Variants in NDUFA9 observed in about 807,000 individuals in gnomAD.
NDUFA9 encodes the protein NADH:ubiquinone oxidoreductase subunit A9, also known as NADH dehydrogenase [ubiquinone] 1 alpha subcomplex subunit 9, mitochondrial.
In NDUFA9, 23 loss-of-function variants were observed where a neutral mutation model predicts 45.9. The observed-to-expected ratio is 0.50, with a 90% CI of 0.36 to 0.71. The LOEUF (loss-of-function observed/expected upper bound fraction) is 0.71. Ranked by LOEUF, NDUFA9 falls within the 30% of genes least tolerant of loss-of-function variation. The pLI is 0.00. For synonymous variants in NDUFA9, 176 were observed against 170.5 expected (o/e 1.03, Z -0.25); for missense variants, 466 against 488.2 (o/e 0.95, Z 0.43).
chr12:4,680,697 G>C (rs181029650), intron 8 of NDUFA9, among the ~76,000 whole-genome samples: 5 of 152,212 alleles, frequency 3.3e-5, no homozygotes, highest in Admixed American at 2.6e-4. Flanking sequence ...GAAGAACCCT[G>C]CTAAGGCCTT....
intron 8 of NDUFA9, among the ~76,000 whole-genome samples, chr12:4,678,298 A>C (rs944024090): frequency 6.6e-6 from 1 of 152,112 alleles, no homozygotes; most frequent in Admixed American, 6.6e-5. Flanking sequence ...AAAAAATTTC[A>C]ATTGGTAAAA....
chr12:4,691,117 C>T lies in NDUFA9; in HGVS notation c.*4009C>T, dbSNP rs771269489. 1 of 152,150 alleles carries T rather than the reference C, an allele frequency of 6.6e-6. No individual in the cohort carries two copies. Among genetic ancestry groups the T allele is most frequent in the Non-Finnish European group, 1.5e-5 (1 of 68,034 alleles). The allele number at this position is 152,150 out of a possible 1,614,324, so 9.4% of individuals were successfully genotyped here. ...TTCTTAGTTGTGAGATTGGACAAGTCACTTGACCTCTCTTTGTCAGCCTCA... is the reference window on the plus strand; with the variant it reads ...TTCTTAGTTGTGAGATTGGACAAGTTACTTGACCTCTCTTTGTCAGCCTCA... On this transcript the variant is annotated 3_prime_UTR_variant, in exon 11 of 11. Transcript: ENST00000266544.
intron 8 of NDUFA9, among the ~76,000 whole-genome samples, chr12:4,678,827 G>T (rs1019709259): frequency 1.3e-5 from 2 of 152,104 alleles, no homozygotes; most frequent in African/African-American, 2.4e-5. Context: ...GCTGGTAGGG[G>T]TGTAAAATTG....
At chr12:4,682,416 G>A (rs1591550529) in intron 9 of NDUFA9, 116 bp downstream of exon 9, 6 of 579,900 alleles carry the variant, frequency 1.0e-5, no homozygotes, top group Non-Finnish European at 1.5e-5. Flanking sequence ...AGATCTCCTA[G>A]TGTTATGACA....
intron 8 of NDUFA9, among the ~76,000 whole-genome samples, chr12:4,678,005 A>C (rs1463109139): frequency 1.3e-5 from 2 of 152,220 alleles, no homozygotes; most frequent in African/African-American, 4.8e-5. Context: ...GACATGGATG[A>C]AGCTGGAAAC....
intron 10 of NDUFA9, among the ~76,000 whole-genome samples, chr12:4,686,026 G>A (rs570471290): frequency 2.0e-5 from 3 of 152,332 alleles, no homozygotes; most frequent in East Asian, 1.9e-4. Context: ...TGTGGAAGTG[G>A]GCAACTCACA....
intron 7 of NDUFA9, among the ~76,000 whole-genome samples, chr12:4,669,487 G>A (rs1402756925): frequency 2.0e-5 from 3 of 152,194 alleles, no homozygotes; most frequent in Admixed American, 6.5e-5. Context: ...TGGATTATGC[G>A]TACTTGGAAA....
At chr12:4,658,100 C>T (rs1057379131) in intron 4 of NDUFA9, among the ~76,000 whole-genome samples, 2 of 152,192 alleles carry the variant, frequency 1.3e-5, no homozygotes, top group South Asian at 4.1e-4. Flanking sequence ...TGGTCCTGTA[C>T]TTGGATCAGT....
At position 4,686,926 on chromosome 12, in the gene NDUFA9, G is replaced by T. The variant is rs760005899; in HGVS notation, c.964-12G>T. On this transcript the variant is annotated splice_polypyrimidine_tract_variant and intron_variant, in intron 10 of 10. Transcript: ENST00000266544. ...TTTTCAGCATTGTCTGTGGTCCTTT[G>T]TTTATCCAAAGATGCACATCACAGA... 6.2e-7 allele frequency: 1 copy of T among 1,612,520 alleles called. No homozygotes were observed. The highest frequency in any genetic ancestry group is 8.5e-7 in the Non-Finnish European group (1 of 1,179,118).
intron 1 of NDUFA9, among the ~76,000 whole-genome samples, chr12:4,650,569 T>C (rs997348903): frequency 6.6e-6 from 1 of 152,342 alleles, no homozygotes; most frequent in Non-Finnish European, 1.5e-5. Flanking sequence ...GAGTAAATTC[T>C]GTAGAGGCAA....
rs7136382 is a variant in NDUFA9 at position 4,689,344 on chromosome 12, G to C, written c.*2236G>C. ...TATTGATCATTCTTGGGTGTTTCTCGCAGAGGGGGATTTGGCAGGGTCATA... is the reference window on the plus strand; with the variant it reads ...TATTGATCATTCTTGGGTGTTTCTCCCAGAGGGGGATTTGGCAGGGTCATA... On this transcript the variant is annotated 3_prime_UTR_variant, in exon 11 of 11. Coordinates refer to ENST00000266544, the MANE Select transcript of NDUFA9 (RefSeq NM_005002.5). 1.3e-5 allele frequency: 2 copies of C among 151,594 alleles called. No individual in the cohort carries two copies. Among genetic ancestry groups the C allele is most frequent in the Admixed American group, 1.3e-4 (2 of 15,194 alleles). 9.4% of individuals were successfully genotyped at this position (151,594 alleles called of 1,614,324 possible).
At position 4,687,285 on chromosome 12, in the gene NDUFA9, G is replaced by C. The variant is rs1945993805; in HGVS notation, c.*177G>C. On this transcript the variant is annotated 3_prime_UTR_variant, in exon 11 of 11. Transcript: ENST00000266544. Reference sequence around the variant, plus strand: ...ACAAAATGAGAAATGTAGTCACTTAGAACTTGAGCATGATTTTTGTTAAAC... The same window carrying C: ...ACAAAATGAGAAATGTAGTCACTTACAACTTGAGCATGATTTTTGTTAAAC... 1 of 554,148 alleles carries C rather than the reference G, an allele frequency of 1.8e-6. No individual in the cohort carries two copies. The highest frequency in any genetic ancestry group is 3.7e-5 in the Admixed American group (1 of 27,256). 34.3% of individuals were successfully genotyped at this position (554,148 alleles called of 1,614,324 possible).
chr12:4,654,268 G>A, intron 1 of NDUFA9, 24 bp from the exon 2 acceptor site: 2 of 1,596,806 alleles, frequency 1.3e-6, no homozygotes, highest in Non-Finnish European at 1.7e-6. Flanking sequence ...TGCCATGCTT[G>A]TATACTTTGG....
chr12:4,661,310 A>C (rs1194672657), intron 5 of NDUFA9, among the ~76,000 whole-genome samples: 1 of 152,184 alleles, frequency 6.6e-6, no homozygotes, highest in Non-Finnish European at 1.5e-5. Context: ...GGAAGAGAAA[A>C]GAAAGGGATG....
intron 9 of NDUFA9, 123 bp downstream of exon 9, chr12:4,682,423 G>A: frequency 1.8e-6 from 1 of 551,784 alleles, no homozygotes. Context: ...CTAGTGTTAT[G>A]ACATTAGCAT....
chr12:4,668,743 C>T, intron 7 of NDUFA9: 1 of 537,338 alleles, frequency 1.9e-6, no homozygotes, highest in Non-Finnish European at 3.3e-6. Flanking sequence ...GTGCTAGACA[C>T]ATCATACATG....
chr12:4,662,607 A>C lies in NDUFA9; in HGVS notation c.627A>C (p.Arg209Ser). 6.2e-7 allele frequency: 1 copy of C among 1,613,840 alleles called. No individual in the cohort carries two copies. Among genetic ancestry groups the C allele is most frequent in the Non-Finnish European group, 8.5e-7 (1 of 1,179,760 alleles). ...TAAAGCCGTCGGACATCTTTGGAAGAGAGGATAGATTCCTTAATTCTTTTG... is the reference window on the plus strand; with the variant it reads ...TAAAGCCGTCGGACATCTTTGGAAGCGAGGATAGATTCCTTAATTCTTTTG... ...IIVKPSDIFG[R>S]EDRFLNSFAS... The change falls in exon 6 of 11, where the codon AGA (arginine) becomes AGC (serine). Residue 209 changes from arginine to serine, a missense_variant. Coordinates refer to ENST00000266544, the MANE Select transcript of NDUFA9 (RefSeq NM_005002.5).
chr12:4,678,621 T>C (rs1221228370), intron 8 of NDUFA9, among the ~76,000 whole-genome samples: 1 of 152,126 alleles, frequency 6.6e-6, no homozygotes, highest in Non-Finnish European at 1.5e-5. Flanking sequence ...GATCCATTTT[T>C]TAATATGAGC....
chr12:4,685,353 C>T lies in NDUFA9; in HGVS notation c.963+28C>T, dbSNP rs767563858. The T allele has an allele frequency of 6.3e-6, 10 of 1,594,998 alleles. No homozygotes were observed. In the South Asian group the frequency reaches 1.1e-4, roughly 18 times the overall value. On this transcript the variant is annotated intron_variant, in intron 10 of 10. Transcript: ENST00000266544. Reference sequence around the variant, plus strand: ...GAGTACATGTGTGGAAAGCGTCTGCCTGGGCAGATGATGAGGCGTTAGACT... The same window carrying T: ...GAGTACATGTGTGGAAAGCGTCTGCTTGGGCAGATGATGAGGCGTTAGACT...
Sources: gnomAD v4.1 joint callset for allele counts (sites outside exome capture counted in the v4.1 genomes callset) on GRCh38, gnomAD v4.1.1 for gene constraint, MANE v1.5 for transcripts, NCBI Gene and HGNC (gene_info 2026-07-23, HGNC 2026-07-21) for gene names.